The following ADAMTSL1 variants were observed in gnomAD, a reference collection of about 807,000 sequenced individuals.
ADAMTSL1 encodes the protein ADAMTS like 1.
Under a neutral mutation model 201.8 loss-of-function variants are expected in ADAMTSL1, and 126 were observed. That is an observed-to-expected ratio of 0.62 (90% CI 0.54 to 0.72). The LOEUF (loss-of-function observed/expected upper bound fraction) is 0.72, where lower values mean the gene tolerates loss of function less well. Among genes scored for constraint, ADAMTSL1 ranks in the 30% least tolerant of loss-of-function variants. ADAMTSL1 has a pLI of 0.00. For synonymous variants in ADAMTSL1, 1,121 were observed against 903.4 expected, an observed-to-expected ratio of 1.24 and a Z score of -4.32; for missense variants, 2,679 against 2,277.8, an observed-to-expected ratio of 1.18 and a Z score of -3.59.
chr9:18,133,745 T>C (rs765687713), intron 1 of ADAMTSL1, among the ~76,000 whole-genome samples: 24 of 152,142 alleles, frequency 1.6e-4, no homozygotes, highest in Non-Finnish European at 3.1e-4. Flanking sequence ...CCCCTGTGCT[T>C]GTGTGTATGT....
chr9:18,253,461 A>G (rs1831547525), intron 2 of ADAMTSL1, among the ~76,000 whole-genome samples: 1 of 152,224 alleles, frequency 6.6e-6, no homozygotes, highest in Non-Finnish European at 1.5e-5. Flanking sequence ...GTAAAAAACT[A>G]GGCCTATATT....
At chr9:18,017,900 T>C (rs1820324921) in intron 1 of ADAMTSL1, among the ~76,000 whole-genome samples, 1 of 152,044 alleles carries the variant, frequency 6.6e-6, no homozygotes, top group Non-Finnish European at 1.5e-5. Flanking sequence ...ATTGTACCTG[T>C]CAGATCAATG....
intron 10 of ADAMTSL1, among the ~76,000 whole-genome samples, chr9:18,678,466 T>C (rs1179798634): frequency 6.6e-6 from 1 of 152,150 alleles, no homozygotes; most frequent in South Asian, 2.1e-4. Context: ...ACTGTAGTTG[T>C]ATGCTGGGAC....
chr9:18,743,705 C>T (rs1161143488), intron 15 of ADAMTSL1, among the ~76,000 whole-genome samples: 1 of 152,068 alleles, frequency 6.6e-6, no homozygotes, highest in Non-Finnish European at 1.5e-5. Context: ...ATAGACAGCC[C>T]CCGATTCTCA....
chr9:18,617,619 T>G (rs1889005), intron 4 of ADAMTSL1, among the ~76,000 whole-genome samples: 89,371 of 151,874 alleles, frequency 0.59, 26,915 homozygotes, highest in East Asian at 0.76. Context: ...ATAAGACAAG[T>G]GGCTGCGTAT....
At chr9:18,547,372 G>C (rs1377075230) in intron 3 of ADAMTSL1, among the ~76,000 whole-genome samples, 1 of 151,556 alleles carries the variant, frequency 6.6e-6, no homozygotes, top group Non-Finnish European at 1.5e-5. Flanking sequence ...TAAAACCAGT[G>C]GCATAGCCAG....
At chr9:18,042,314 A>G (rs954527492) in intron 1 of ADAMTSL1, among the ~76,000 whole-genome samples, 12 of 152,160 alleles carry the variant, frequency 7.9e-5, no homozygotes, top group African/African-American at 2.9e-4. Context: ...ATTCTGATTG[A>G]ATTTAGCAAG....
chr9:18,393,336 G>C (rs1370661786), intron 2 of ADAMTSL1, among the ~76,000 whole-genome samples: 1 of 152,140 alleles, frequency 6.6e-6, no homozygotes, highest in East Asian at 1.9e-4. Flanking sequence ...CAAATGTTCA[G>C]GAGAGTTCAT....
chr9:18,009,360 C>G (rs1819959575), intron 1 of ADAMTSL1, among the ~76,000 whole-genome samples: 1 of 151,954 alleles, frequency 6.6e-6, no homozygotes, highest in Non-Finnish European at 1.5e-5. Context: ...GTACTCACTT[C>G]TAATAGAAAC....
intron 2 of ADAMTSL1, among the ~76,000 whole-genome samples, chr9:18,460,822 C>T (rs17205912): frequency 0.078 from 11,937 of 152,200 alleles, 640 homozygotes; most frequent in Non-Finnish European, 0.12. Context: ...GACATCCTCT[C>T]TGTATAATGA....
intron 2 of ADAMTSL1, among the ~76,000 whole-genome samples, chr9:18,519,483 T>A (rs1197101425): frequency 6.6e-6 from 1 of 152,260 alleles, no homozygotes; most frequent in African/African-American, 2.4e-5. Flanking sequence ...CTCTCCTCAA[T>A]CTCTGCCTTT....
chr9:18,437,165 A>C, intron 2 of ADAMTSL1, among the ~76,000 whole-genome samples: 1 of 148,854 alleles, frequency 6.7e-6, no homozygotes, highest in African/African-American at 2.5e-5. Flanking sequence ...CACTATCTCC[A>C]CTCCAACCCT....
chr9:17,995,510 T>C (rs976600162), intron 1 of ADAMTSL1, among the ~76,000 whole-genome samples: 1 of 152,128 alleles, frequency 6.6e-6, no homozygotes, highest in African/African-American at 2.4e-5. Flanking sequence ...GGAAATTAGG[T>C]GCTCCCTTTT....
chr9:18,288,537 G>T (rs1171298003), intron 2 of ADAMTSL1, among the ~76,000 whole-genome samples: 1 of 152,140 alleles, frequency 6.6e-6, no homozygotes, highest in Non-Finnish European at 1.5e-5. Flanking sequence ...TTAGACATAT[G>T]ATTTGAGATT....
chr9:18,140,908 AG>A (rs1236267904), intron 1 of ADAMTSL1, among the ~76,000 whole-genome samples: 1 of 152,212 alleles, frequency 6.6e-6, no homozygotes, highest in African/African-American at 2.4e-5. Context: ...AAACAATGAG[AG>A]GGAGGCAAAA....
At chr9:18,207,031 G>A (rs569073174) in intron 2 of ADAMTSL1, among the ~76,000 whole-genome samples, 1 of 152,182 alleles carries the variant, frequency 6.6e-6, no homozygotes, top group South Asian at 2.1e-4. Context: ...TGGGCGTCGT[G>A]GTGCATGCCT....
intron 2 of ADAMTSL1, among the ~76,000 whole-genome samples, chr9:18,351,161 T>C (rs1835947335): frequency 6.6e-6 from 1 of 150,654 alleles, no homozygotes; most frequent in South Asian, 2.1e-4. Flanking sequence ...ATTAATAAGG[T>C]GACGCAAGAC....
intron 1 of ADAMTSL1, among the ~76,000 whole-genome samples, chr9:18,050,625 T>A (rs985109306): frequency 7.9e-5 from 12 of 152,130 alleles, no homozygotes; most frequent in African/African-American, 2.9e-4. Context: ...CTCTTAAGAA[T>A]TCTAGTCTTT....
intron 2 of ADAMTSL1, among the ~76,000 whole-genome samples, chr9:18,380,520 AT>A (rs1292008500): frequency 6.6e-6 from 1 of 152,122 alleles, no homozygotes; most frequent in Non-Finnish European, 1.5e-5. Context: ...CCTCATAGTC[AT>A]TTTTCAGTTA....
Sources: allele counts gnomAD v4.1 joint callset (sites outside exome capture counted in the v4.1 genomes callset), GRCh38; gene constraint gnomAD v4.1.1; transcripts MANE v1.5; gene names NCBI Gene and HGNC (gene_info 2026-07-23, HGNC 2026-07-21).